NLGN1: variants seen among roughly 807,000 people sequenced by gnomAD.
The protein encoded by NLGN1 is neuroligin 1.
Under a neutral mutation model 65.5 loss-of-function variants are expected in NLGN1, and 12 were observed. The ratio of observed to expected loss-of-function variants is 0.18; its 90% CI spans 0.12 to 0.30. NLGN1 has a LOEUF of 0.30. Among genes scored for constraint, NLGN1 ranks in the 10% least tolerant of loss-of-function variants. The pLI, the probability that NLGN1 is intolerant of heterozygous loss-of-function variation, is 1.00. For synonymous variants in NLGN1, 350 were observed against 359.5 expected (o/e 0.97, Z 0.30); for missense variants, 750 against 1,007.1 (o/e 0.74, Z 3.46).
chr3:173,566,475 C>T (rs1743685407), intron 2 of NLGN1, among the ~76,000 whole-genome samples: 3 of 152,024 alleles, frequency 2.0e-5, no homozygotes, highest in South Asian at 4.2e-4. Context: ...TTTAGTAATA[C>T]CCATTAATAA....
intron 2 of NLGN1, among the ~76,000 whole-genome samples, chr3:173,496,479 A>G (rs1270742636): frequency 6.6e-6 from 1 of 151,922 alleles, no homozygotes; most frequent in Non-Finnish European, 1.5e-5. Flanking sequence ...GTACATATAT[A>G]TGGTTATTCA....
In NLGN1 at chr3:174,175,763, A is replaced by ATTCT. The variant is rs1561220923; in HGVS notation, c.647-99552_647-99551insTTCT. Among the ~76,000 whole-genome samples, 49 of 151,890 alleles carry ATTCT rather than the reference A, an allele frequency of 3.2e-4. 1 individual carries two copies. Among genetic ancestry groups the ATTCT allele is most frequent in the Admixed American group, 3.2e-3 (48 of 15,194 alleles). On this transcript the variant is annotated intron_variant, in intron 4 of 6. Transcript: ENST00000457714. ...GAATGAGGAAAATTAGACTCAGAGGAGATTAAAAGATTTCCCCACGGTAAC... is the reference window on the plus strand; with the variant it reads ...GAATGAGGAAAATTAGACTCAGAGGATTCTGATTAAAAGATTTCCCCACGGTAAC...
chr3:173,695,531 A>T (rs1186729447), intron 3 of NLGN1: 1 of 349,454 alleles, frequency 2.9e-6, no homozygotes, highest in South Asian at 2.3e-5. Flanking sequence ...ATATATTCAA[A>T]TTTTTTATCT....
At chr3:173,581,996 T>C (rs1746482015) in intron 2 of NLGN1, among the ~76,000 whole-genome samples, 1 of 152,040 alleles carries the variant, frequency 6.6e-6, no homozygotes, top group African/African-American at 2.4e-5. Flanking sequence ...ATATCATGTT[T>C]GTCATTATCA....
At chr3:174,175,690 T>C (rs1290520090) in intron 4 of NLGN1, among the ~76,000 whole-genome samples, 1 of 151,962 alleles carries the variant, frequency 6.6e-6, no homozygotes, top group Non-Finnish European at 1.5e-5. Flanking sequence ...CCTTAATGTG[T>C]AATTATTTTT....
At position 174,129,354 on chromosome 3, in the gene NLGN1, AACACACACACACAC is replaced by A. The variant is rs61122760; in HGVS notation, c.647-145928_647-145915del. Among the ~76,000 whole-genome samples the A allele has an allele frequency of 2.8e-3, 327 of 116,838 alleles. 1 individual carries two copies. Among genetic ancestry groups the A allele is most frequent in the Non-Finnish European group, 3.1e-3 (176 of 57,224 alleles). The allele number at this position is 116,838 out of a possible 152,430, so 76.7% of individuals were successfully genotyped here. A position where few individuals can be genotyped will look rare whatever the true frequency, so the allele number is the denominator to read the frequency against. On this transcript the variant is annotated intron_variant, in intron 4 of 6. Transcript: ENST00000457714. Reference sequence around the variant, plus strand: ...CTATCTCCCCCCACCCCCGGTTTACAACACACACACACACACACACACACACACACACACACACA... The same window carrying A: ...CTATCTCCCCCCACCCCCGGTTTACAACACACACACACACACACACACACA...
intron 3 of NLGN1, among the ~76,000 whole-genome samples, chr3:173,763,315 C>G (rs910370404): frequency 3.9e-5 from 6 of 152,028 alleles, no homozygotes; most frequent in Non-Finnish European, 8.8e-5. Flanking sequence ...TACATATTCT[C>G]TTGTCTAATT....
intron 4 of NLGN1, among the ~76,000 whole-genome samples, chr3:173,983,756 C>T (rs1719280552): frequency 6.6e-6 from 1 of 152,126 alleles, no homozygotes; most frequent in Non-Finnish European, 1.5e-5. Context: ...CTTCACGGAG[C>T]AGACTTCATA....
At chr3:174,250,654 G>T (rs1300366825) in intron 4 of NLGN1, among the ~76,000 whole-genome samples, 1 of 152,030 alleles carries the variant, frequency 6.6e-6, no homozygotes, top group Non-Finnish European at 1.5e-5. Context: ...GGAGAAGGAG[G>T]TCATATTAGT....
At chr3:174,236,117 G>C (rs1234125536) in intron 4 of NLGN1, among the ~76,000 whole-genome samples, 1 of 152,076 alleles carries the variant, frequency 6.6e-6, no homozygotes, top group Non-Finnish European at 1.5e-5. Context: ...AATGTTACTA[G>C]TATGCTTTTT....
intron 4 of NLGN1, among the ~76,000 whole-genome samples, chr3:174,169,490 G>A (rs538299453): frequency 1.6e-4 from 24 of 151,030 alleles, no homozygotes; most frequent in Non-Finnish European, 3.4e-4. Flanking sequence ...AAACAAGTGA[G>A]CCAGTTCTCT....
chr3:173,598,977 T>C (rs1329696837), intron 2 of NLGN1, among the ~76,000 whole-genome samples: 1 of 152,048 alleles, frequency 6.6e-6, no homozygotes, highest in African/African-American at 2.4e-5. Context: ...TCAGGAAGGG[T>C]GAGCAGCACA....
intron 4 of NLGN1, among the ~76,000 whole-genome samples, chr3:173,845,905 CCT>C (rs1022331112): frequency 3.3e-5 from 5 of 151,822 alleles, no homozygotes; most frequent in Non-Finnish European, 5.9e-5. Context: ...CATATAACCA[CCT>C]TTGTACTTAT....
At chr3:173,859,405 G>T (rs1237092146) in intron 4 of NLGN1, among the ~76,000 whole-genome samples, 1 of 152,028 alleles carries the variant, frequency 6.6e-6, no homozygotes, top group Non-Finnish European at 1.5e-5. Context: ...AAGTTGTTTT[G>T]ATATATTAGT....
At chr3:173,900,349 T>C (rs189777994) in intron 4 of NLGN1, among the ~76,000 whole-genome samples, 1 of 152,016 alleles carries the variant, frequency 6.6e-6, no homozygotes, top group African/African-American at 2.4e-5. Flanking sequence ...TCTGTTACAG[T>C]AGAGATGTGA....
At chr3:173,675,123 A>C (rs1762946412) in intron 3 of NLGN1, among the ~76,000 whole-genome samples, 1 of 152,108 alleles carries the variant, frequency 6.6e-6, no homozygotes, top group South Asian at 2.1e-4. Context: ...TAAGAGCATG[A>C]AATTTTGGAC....
At chr3:174,045,931 A>T (rs1733480434) in intron 4 of NLGN1, among the ~76,000 whole-genome samples, 1 of 152,206 alleles carries the variant, frequency 6.6e-6, no homozygotes, top group Non-Finnish European at 1.5e-5. Flanking sequence ...CCAATCTGAG[A>T]TCAGATTTTC....
At chr3:173,457,443 G>A (rs1197843641) in intron 2 of NLGN1, among the ~76,000 whole-genome samples, 1 of 152,042 alleles carries the variant, frequency 6.6e-6, no homozygotes, top group African/African-American at 2.4e-5. Flanking sequence ...ATGGGAAATT[G>A]GGGGAGAGAT....
chr3:173,604,285 G>T (rs1751022820), exon 3 of NLGN1: 1 of 324,216 alleles, frequency 3.1e-6, no homozygotes, highest in Non-Finnish European at 5.7e-6. Flanking sequence ...CTAGGATATA[G>T]ACCTGCAGCT....
Sources: gnomAD v4.1 joint callset for allele counts (sites outside exome capture counted in the v4.1 genomes callset) on GRCh38, gnomAD v4.1.1 for gene constraint, MANE v1.5 for transcripts, NCBI Gene and HGNC (gene_info 2026-07-23, HGNC 2026-07-21) for gene names.